The following TTC13 variants were observed in gnomAD, a reference collection of about 807,000 sequenced individuals.
TTC13 encodes the protein tetratricopeptide repeat domain 13, also known as tetratricopeptide repeat protein 13.
Under a neutral mutation model 120.0 loss-of-function variants are expected in TTC13, and 62 were observed. That is an observed-to-expected ratio of 0.52 (90% CI 0.42 to 0.64). The LOEUF (loss-of-function observed/expected upper bound fraction) is 0.64, where lower values mean the gene tolerates loss of function less well. Among genes scored for constraint, TTC13 ranks in the 30% least tolerant of loss-of-function variants. The pLI, the probability that TTC13 is intolerant of heterozygous loss-of-function variation, is 0.00. For missense variants in TTC13, 824 were observed against 1,050.2 expected (o/e 0.78, Z 2.98); for synonymous variants, 384 against 393.5 (o/e 0.98, Z 0.28).
chr1:230,955,285 C>T (rs975177262), intron 3 of TTC13, among the ~76,000 whole-genome samples: 37 of 152,248 alleles, frequency 2.4e-4, no homozygotes, highest in Non-Finnish European at 4.7e-4. Context: ...ACTGCAATAT[C>T]CTTTAGGACC....
chr1:230,950,000 T>C (rs1432795670), intron 4 of TTC13, among the ~76,000 whole-genome samples: 1 of 152,240 alleles, frequency 6.6e-6, no homozygotes, highest in African/African-American at 2.4e-5. Flanking sequence ...GAAGGACATA[T>C]AATTATTGTG....
chr1:230,936,502 T>G, intron 8 of TTC13: 1 of 293,070 alleles, frequency 3.4e-6, no homozygotes, highest in Non-Finnish European at 6.7e-6. Flanking sequence ...TGAAGACTGA[T>G]GGTGCTTGGG....
intron 1 of TTC13, among the ~76,000 whole-genome samples, chr1:230,968,251 T>G (rs1241918502): frequency 6.6e-6 from 1 of 151,164 alleles, no homozygotes; most frequent in African/African-American, 2.4e-5. Flanking sequence ...AGCAATCGCC[T>G]TAGCCATTTT....
rs1357092019 is a variant in TTC13 at position 230,958,236 on chromosome 1, T to C, written c.430A>G (p.Asn144Asp). The change falls in exon 3 of 23, where the codon AAT (asparagine) becomes GAT (aspartate). Residue 144 changes from asparagine (N) to aspartate (D), a missense_variant. Physicochemically the swap from Asn to Asp is conservative, Grantham distance 23 (BLOSUM62 1). Transcript: ENST00000366661. ...FPFATDNDSTNEELAIAYVLI... is the reference protein window; with the variant it reads ...FPFATDNDSTDEELAIAYVLI... ...ATTCAAGTCTTACCTAACTCTTCATTTGTGCTGTCATTATCAGTGGCAAAC... is the reference window on the plus strand; with the variant it reads ...ATTCAAGTCTTACCTAACTCTTCATCTGTGCTGTCATTATCAGTGGCAAAC... The C allele has an allele frequency of 2.5e-6, 4 of 1,613,370 alleles. No individual in the cohort carries two copies. The highest frequency in any genetic ancestry group is 8.5e-7 in the Non-Finnish European group (1 of 1,179,866).
intron 9 of TTC13, among the ~76,000 whole-genome samples, chr1:230,932,892 A>G (rs1673682299): frequency 6.6e-6 from 1 of 152,206 alleles, no homozygotes; most frequent in African/African-American, 2.4e-5. Flanking sequence ...AAGCACTCAT[A>G]CCTGCAGAAC....
intron 4 of TTC13, among the ~76,000 whole-genome samples, chr1:230,951,934 A>G (rs1331897150): frequency 6.6e-6 from 1 of 152,210 alleles, no homozygotes; most frequent in Non-Finnish European, 1.5e-5. Flanking sequence ...TCTCGATGAC[A>G]CTGGCTATCG....
intron 1 of TTC13, among the ~76,000 whole-genome samples, chr1:230,962,486 C>T (rs10864643): frequency 0.32 from 48,393 of 151,984 alleles, 7,809 homozygotes; most frequent in Middle Eastern, 0.48. Context: ...AATTGGAACC[C>T]TTGTGCATTG....
intron 2 of TTC13, 38 bp from the exon 3 acceptor site, chr1:230,958,337 A>C (rs759266197): frequency 9.6e-6 from 15 of 1,562,940 alleles, no homozygotes; most frequent in Non-Finnish European, 1.3e-5. Flanking sequence ...CATTTTAGCT[A>C]TCACAAATGA....
intron 1 of TTC13, among the ~76,000 whole-genome samples, chr1:230,966,689 A>G (rs1385094638): frequency 6.6e-6 from 1 of 152,220 alleles, no homozygotes; most frequent in African/African-American, 2.4e-5. Context: ...AGAGCTACAC[A>G]TGACAGCACA....
In TTC13 at chr1:230,931,361, G is replaced by A. The variant is rs773428755; in HGVS notation, c.1237C>T (p.Leu413=). 4.3e-6 allele frequency: 7 copies of A among 1,614,112 alleles called. No individual in the cohort carries two copies. The Admixed American group carries it at 1.2e-4, about 27-fold the overall frequency. The change falls in exon 11 of 23, where the codon CTG becomes TTG. Residue 413 remains leucine, a synonymous_variant. Coordinates refer to ENST00000366661, the MANE Select transcript of TTC13 (RefSeq NM_024525.5). The part of the protein sequence containing the change: ...EGIKAQTKVM[L]NDPLPGQKAS... ...TTCTGGCCTGGGAGAGGATCATTCA[G>A]CATAACTTTTGTTTGTGCTTTTATC...
intron 19 of TTC13, among the ~76,000 whole-genome samples, chr1:230,912,245 A>G (rs1671582871): frequency 6.6e-6 from 1 of 152,190 alleles, no homozygotes; most frequent in Middle Eastern, 3.2e-3. Flanking sequence ...ACTCATCAGA[A>G]TGCATCATCC....
rs561193680 is a variant in TTC13 at position 230,961,461 on chromosome 1, G to GT, written c.272-159dup. Among the ~76,000 whole-genome samples the GT allele has an allele frequency of 1.8e-4, 27 of 152,298 alleles. No homozygotes were observed. The South Asian group carries it at 5.4e-3, about 30-fold the overall frequency. ...CAGCTGGGCACAGTGCCTCACACCT[G>GT]TAATCCCAGCAACTCAGGAGGCTCG... is the stretch of plus-strand genomic sequence containing the variant. On this transcript the variant is annotated intron_variant, in intron 1 of 22. Transcript: ENST00000366661.
At chr1:230,977,687 C>A (rs1572324612) in intron 1 of TTC13, among the ~76,000 whole-genome samples, 2 of 152,302 alleles carry the variant, frequency 1.3e-5, no homozygotes, top group East Asian at 3.9e-4. Context: ...AGACCCCGGT[C>A]CTTCCCAAAG....
intron 1 of TTC13, among the ~76,000 whole-genome samples, chr1:230,963,480 G>T (rs1463905916): frequency 6.6e-6 from 1 of 151,630 alleles, no homozygotes; most frequent in African/African-American, 2.4e-5. Context: ...CTCTACAAAA[G>T]AAAAAATTAG....
At chr1:230,975,711 G>A (rs913107369) in intron 1 of TTC13, among the ~76,000 whole-genome samples, 30 of 152,212 alleles carry the variant, frequency 2.0e-4, no homozygotes, top group African/African-American at 5.8e-4. Flanking sequence ...GTAAAAATGT[G>A]GAGTAGAAAA....
In TTC13 at chr1:230,921,516, AAAT is replaced by A. The variant is rs760098798; in HGVS notation, c.1815-15_1815-13del. On this transcript the variant is annotated splice_polypyrimidine_tract_variant and intron_variant, in intron 15 of 22. Coordinates refer to ENST00000366661, the MANE Select transcript of TTC13 (RefSeq NM_024525.5). ...TGATCACCTGACCCCTATAAGGCAA[AAAT>A]AATAAAATTAAGAATATTTTTATAG... The A allele has an allele frequency of 1.5e-6, 2 of 1,337,516 alleles. No homozygotes were observed. Among genetic ancestry groups the A allele is most frequent in the Non-Finnish European group, 2.1e-6 (2 of 973,292 alleles). The allele number at this position is 1,337,516 out of a possible 1,614,324, so 82.9% of individuals were successfully genotyped here.
intron 8 of TTC13, among the ~76,000 whole-genome samples, chr1:230,938,585 G>T (rs1321683082): frequency 6.6e-6 from 1 of 152,148 alleles, no homozygotes; most frequent in Admixed American, 6.5e-5. Flanking sequence ...TACTAATACA[G>T]TCAATCAAAG....
At chr1:230,909,750 T>C (rs1414104177) in intron 20 of TTC13, among the ~76,000 whole-genome samples, 1 of 152,236 alleles carries the variant, frequency 6.6e-6, no homozygotes, top group Non-Finnish European at 1.5e-5. Flanking sequence ...GATTTGGGCA[T>C]GTGTGTGAAC....
At chr1:230,945,478 C>T (rs761364941) in intron 4 of TTC13, 24 bp from the exon 5 acceptor site, 17 of 1,609,100 alleles carry the variant, frequency 1.1e-5, no homozygotes, top group South Asian at 4.4e-5. Flanking sequence ...AACAAAAACA[C>T]GTCAAAAACC....
Sources: gnomAD v4.1 joint callset for allele counts (sites outside exome capture counted in the v4.1 genomes callset) on GRCh38, gnomAD v4.1.1 for gene constraint, MANE v1.5 for transcripts, NCBI Gene and HGNC (gene_info 2026-07-23, HGNC 2026-07-21) for gene names.